Variants in TRAPPC12 observed in about 807,000 individuals in gnomAD.
TRAPPC12 encodes the protein trafficking protein particle complex subunit 12.
A neutral mutation model predicts 69.2 loss-of-function variants in TRAPPC12; 61 were observed. The ratio of observed to expected loss-of-function variants is 0.88; its 90% CI spans 0.72 to 1.09. The LOEUF is 1.09. Among genes scored for constraint, TRAPPC12 ranks in the 50% least tolerant of loss-of-function variants. The pLI is 0.00. For missense variants in TRAPPC12, 1,101 were observed against 1,016.4 expected (o/e 1.08, Z -1.13); for synonymous variants, 469 against 438.9 (o/e 1.07, Z -0.86).
At chr2:3,431,681 A>C (rs887514000) in intron 5 of TRAPPC12, among the ~76,000 whole-genome samples, 3 of 152,018 alleles carry the variant, frequency 2.0e-5, no homozygotes, top group African/African-American at 7.3e-5. Flanking sequence ...GTTGATAGGG[A>C]TTATATCCAT....
chr2:3,479,429 A>G lies in TRAPPC12; in HGVS notation c.2176A>G (p.Ser726Gly), dbSNP rs759145260. Residue 726 changes from serine to glycine, a missense_variant, in exon 12 of 12, where the codon AGC (serine) becomes GGC (glycine). Physicochemically the swap from Ser to Gly is moderately conservative, Grantham distance 56. Coordinates refer to ENST00000324266, the MANE Select transcript of TRAPPC12 (RefSeq NM_016030.6). ...LEAVAGKEGD[S>G]FNTQCLKLA ...GGCTGTCGCCGGCAAGGAGGGGGAC[A>G]GCTTCAACACACAGTGCCTCAAGCT... The G allele has an allele frequency of 1.9e-6, 3 of 1,614,064 alleles. No homozygotes were observed. The highest frequency in any genetic ancestry group is 2.2e-5 in the South Asian group (2 of 91,088).
intron 3 of TRAPPC12, among the ~76,000 whole-genome samples, chr2:3,404,879 C>A (rs1193168377): frequency 8.6e-6 from 1 of 116,510 alleles, no homozygotes; most frequent in African/African-American, 3.4e-5. Flanking sequence ...GAGTGGGGGG[C>A]GGTTACGGGG....
chr2:3,430,830 C>T (rs1157536191), intron 5 of TRAPPC12, among the ~76,000 whole-genome samples: 2 of 152,226 alleles, frequency 1.3e-5, no homozygotes, highest in East Asian at 3.9e-4. Context: ...CTTTCCAAAA[C>T]GTTTCCTAAG....
intron 8 of TRAPPC12, among the ~76,000 whole-genome samples, chr2:3,464,577 C>T (rs1474706126): frequency 3.9e-5 from 6 of 152,246 alleles, no homozygotes; most frequent in East Asian, 3.8e-4. Context: ...CTGCTGACCG[C>T]GTGCTTATAG....
At chr2:3,427,825 G>A (rs538898739) in intron 5 of TRAPPC12, among the ~76,000 whole-genome samples, 10 of 152,172 alleles carry the variant, frequency 6.6e-5, no homozygotes, top group African/African-American at 1.9e-4. Context: ...CCCAGGAGGC[G>A]GAGGTTGTAG....
chr2:3,433,487 C>G (rs1387154917), intron 5 of TRAPPC12, among the ~76,000 whole-genome samples: 1 of 152,202 alleles, frequency 6.6e-6, no homozygotes, highest in Non-Finnish European at 1.5e-5. Flanking sequence ...CCCTCCCGCC[C>G]TAGTTTGCAG....
At chr2:3,468,587 G>A (rs12994580) in intron 9 of TRAPPC12, among the ~76,000 whole-genome samples, 17,837 of 152,176 alleles carry the variant, frequency 0.12, 1,201 homozygotes, top group South Asian at 0.18. Flanking sequence ...TGTTTGTTCC[G>A]TTCCTCACAG....
chr2:3,382,175 G>A (rs1049132629), intron 1 of TRAPPC12, among the ~76,000 whole-genome samples: 7 of 119,296 alleles, frequency 5.9e-5, no homozygotes, highest in African/African-American at 1.3e-4. Context: ...TTATTCTGCC[G>A]CCAGGCTGGA....
intron 1 of TRAPPC12, among the ~76,000 whole-genome samples, chr2:3,380,740 T>C (rs1449917279): frequency 6.6e-6 from 1 of 152,250 alleles, no homozygotes; most frequent in Admixed American, 6.5e-5. Context: ...TGATGGGATC[T>C]TCTTCACAGT....
chr2:3,383,745 G>C (rs1660341943), intron 1 of TRAPPC12, among the ~76,000 whole-genome samples: 1 of 151,890 alleles, frequency 6.6e-6, no homozygotes, highest in South Asian at 2.1e-4. Flanking sequence ...TTGATACTGT[G>C]TCTGTGGTGA....
chr2:3,431,717 A>G (rs1270104367), intron 5 of TRAPPC12, among the ~76,000 whole-genome samples: 1 of 152,168 alleles, frequency 6.6e-6, no homozygotes, highest in Non-Finnish European at 1.5e-5. Context: ...ACATTCATTC[A>G]TTTTATATTA....
intron 3 of TRAPPC12, among the ~76,000 whole-genome samples, chr2:3,408,434 C>T (rs982036315): frequency 3.3e-5 from 5 of 152,180 alleles, no homozygotes; most frequent in Non-Finnish European, 7.3e-5. Context: ...CAAGACCAGC[C>T]TGGGCAACAT....
At chr2:3,420,806 G>T (rs1368877542) in intron 3 of TRAPPC12, among the ~76,000 whole-genome samples, 1 of 152,226 alleles carries the variant, frequency 6.6e-6, no homozygotes, top group Non-Finnish European at 1.5e-5. Context: ...TGGAAAGGGA[G>T]TAGTGCGTGT....
At chr2:3,474,676 G>A (rs760874875) in intron 9 of TRAPPC12, among the ~76,000 whole-genome samples, 9 of 152,148 alleles carry the variant, frequency 5.9e-5, no homozygotes, top group Non-Finnish European at 1.2e-4. Flanking sequence ...GTGTGCACAG[G>A]TGACATCTCA....
chr2:3,458,262 C>G, intron 7 of TRAPPC12: 1 of 987,080 alleles, frequency 1.0e-6, no homozygotes, highest in Non-Finnish European at 1.2e-6. Context: ...GTGCGTTAGC[C>G]AGGAGCAAGC....
In TRAPPC12 at chr2:3,412,076, C is replaced by G. The variant is rs79698285; in HGVS notation, c.1165-9805C>G. ...AATTAAGCATTAGTTTATTCTTGTA[C>G]TGTCTTCTTGTAGTGCTATGAATTT... On this transcript the variant is annotated intron_variant, in intron 3 of 11. Coordinates refer to ENST00000324266, the MANE Select transcript of TRAPPC12 (RefSeq NM_016030.6). Among the ~76,000 whole-genome samples, 2,649 of 152,242 alleles carry G rather than the reference C, an allele frequency of 0.017. 115 individuals are homozygous for G. In the East Asian group the frequency reaches 0.18, roughly 10 times the overall value.
intron 1 of TRAPPC12, among the ~76,000 whole-genome samples, chr2:3,383,081 G>A (rs1660300842): frequency 1.3e-5 from 2 of 151,888 alleles, no homozygotes; most frequent in South Asian, 2.1e-4. Flanking sequence ...TCTCAACATG[G>A]ATGTTCAAAG....
chr2:3,402,033 C>T, intron 3 of TRAPPC12, 140 bp downstream of exon 3: 1 of 602,006 alleles, frequency 1.7e-6, no homozygotes, highest in South Asian at 2.6e-5. Flanking sequence ...GAGTAGATGC[C>T]AGTCCTGTGC....
At chr2:3,397,583 TCC>T (rs937253350) in intron 2 of TRAPPC12, among the ~76,000 whole-genome samples, 4 of 152,226 alleles carry the variant, frequency 2.6e-5, no homozygotes, top group Admixed American at 2.6e-4. Context: ...TCTGCTTAGC[TCC>T]CTCCTTTCTA....
Sources: gnomAD v4.1 joint callset for allele counts (sites outside exome capture counted in the v4.1 genomes callset) on GRCh38, gnomAD v4.1.1 for gene constraint, MANE v1.5 for transcripts, NCBI Gene and HGNC (gene_info 2026-07-23, HGNC 2026-07-21) for gene names.